DTNB: variants seen among roughly 807,000 people sequenced by gnomAD.
The protein encoded by DTNB is dystrobrevin beta, also known as DTN-B.
Under a neutral mutation model 90.7 loss-of-function variants are expected in DTNB, and 63 were observed. That is an observed-to-expected ratio of 0.69 (90% CI 0.57 to 0.86). The LOEUF is 0.86. DTNB is among the 40% of genes least tolerant of loss of function. The probability of loss-of-function intolerance (pLI) is 0.00; values close to 1 mark genes in which losing one functional copy is unlikely to be tolerated. For missense variants in DTNB, 744 were observed against 807.1 expected, an observed-to-expected ratio of 0.92 and a Z score of 0.95; for synonymous variants, 277 against 286.7, an observed-to-expected ratio of 0.97 and a Z score of 0.34.
chr2:25,580,324 C>A (rs1339343222), intron 7 of DTNB, among the ~76,000 whole-genome samples: 1 of 151,872 alleles, frequency 6.6e-6, no homozygotes, highest in East Asian at 1.9e-4. Flanking sequence ...TCTGCGAGAT[C>A]AGCCTGGCCA....
In DTNB at chr2:25,612,435, G is replaced by C. The variant is rs1465411935; in HGVS notation, c.363-5114C>G. 2.0e-5 allele frequency among the ~76,000 whole-genome samples: 3 copies of C among 151,952 alleles called. No individual in the cohort carries two copies. The East Asian group carries it at 5.8e-4, about 29-fold the overall frequency. On this transcript the variant is annotated intron_variant, in intron 4 of 20. Coordinates refer to ENST00000406818, the MANE Select transcript of DTNB (RefSeq NM_021907.5). ...GCCTAGAGAGAGGAATGAAATGGTG[G>C]GTAATTTCACATTGTAAGTATTAAA...
At chr2:25,377,704 G>A (rs1036612167) in intron 20 of DTNB, among the ~76,000 whole-genome samples, 151 bp from the exon 21 acceptor site, 22 of 152,224 alleles carry the variant, frequency 1.4e-4, no homozygotes, top group Non-Finnish European at 2.8e-4. Flanking sequence ...GTGGTACCTA[G>A]GGTCCTCTGC....
At chr2:25,399,078 A>G (rs1261608077) in intron 16 of DTNB, among the ~76,000 whole-genome samples, 3 of 152,044 alleles carry the variant, frequency 2.0e-5, no homozygotes, top group Non-Finnish European at 4.4e-5. Flanking sequence ...TTGAGACGGA[A>G]TCTCTCTGTC....
chr2:25,455,344 G>A, intron 11 of DTNB, 61 bp downstream of exon 11: 1 of 1,478,834 alleles, frequency 6.8e-7, no homozygotes, highest in South Asian at 1.3e-5. Context: ...ACCCCAGGTA[G>A]CAAAGCTCTC....
chr2:25,412,917 T>C (rs562050396), intron 16 of DTNB, among the ~76,000 whole-genome samples: 4 of 152,314 alleles, frequency 2.6e-5, no homozygotes, highest in Non-Finnish European at 4.4e-5. Context: ...CCATTGCCAG[T>C]AGGGACTTCA....
chr2:25,668,568 T>G (rs2085060788), intron 1 of DTNB, among the ~76,000 whole-genome samples: 1 of 152,224 alleles, frequency 6.6e-6, no homozygotes, highest in African/African-American at 2.4e-5. Flanking sequence ...ATCATGAACT[T>G]TAACAACAAT....
At chr2:25,501,554 T>C (rs2070718890) in intron 9 of DTNB, among the ~76,000 whole-genome samples, 1 of 152,088 alleles carries the variant, frequency 6.6e-6, no homozygotes, top group Admixed American at 6.5e-5. Context: ...TAATTTTTGT[T>C]GGGTTTCAGA....
At chr2:25,441,264 C>A (rs2057318027) in intron 12 of DTNB, among the ~76,000 whole-genome samples, 1 of 152,244 alleles carries the variant, frequency 6.6e-6, no homozygotes, top group Non-Finnish European at 1.5e-5. Context: ...GAGCTCAGAA[C>A]AACCCGAGGA....
At chr2:25,604,086 A>G (rs569772446) in intron 5 of DTNB, among the ~76,000 whole-genome samples, 1 of 152,338 alleles carries the variant, frequency 6.6e-6, no homozygotes, top group Non-Finnish European at 1.5e-5. Flanking sequence ...TATTAAAAGT[A>G]GTAAGTCAGA....
At chr2:25,617,319 C>T (rs991987392) in intron 4 of DTNB, among the ~76,000 whole-genome samples, 2 of 152,026 alleles carry the variant, frequency 1.3e-5, no homozygotes, top group African/African-American at 4.8e-5. Context: ...TAAATGTGAG[C>T]GGGATGAATT....
At chr2:25,506,789 C>A (rs1220264747) in intron 9 of DTNB, among the ~76,000 whole-genome samples, 1 of 152,014 alleles carries the variant, frequency 6.6e-6, no homozygotes. Context: ...AACCTGCACC[C>A]AACAATTTGA....
chr2:25,380,377 T>C (rs541813829), intron 19 of DTNB, among the ~76,000 whole-genome samples: 1 of 152,280 alleles, frequency 6.6e-6, no homozygotes, highest in South Asian at 2.1e-4. Flanking sequence ...CTTAGTCTTA[T>C]AAAAATGCCC....
chr2:25,466,734 A>T (rs1279946665), intron 10 of DTNB, among the ~76,000 whole-genome samples: 2 of 152,212 alleles, frequency 1.3e-5, no homozygotes, highest in African/African-American at 2.4e-5. Context: ...ACATTTTCTT[A>T]TGGCACCTAA....
chr2:25,638,433 C>A (rs2077540184), intron 3 of DTNB, among the ~76,000 whole-genome samples: 1 of 152,190 alleles, frequency 6.6e-6, no homozygotes, highest in South Asian at 2.1e-4. Context: ...GTATAAAATA[C>A]TTTTTCCACT....
intron 14 of DTNB, 186 bp from the exon 15 acceptor site, chr2:25,427,817 G>T (rs745429582): frequency 2.1e-6 from 1 of 482,548 alleles, no homozygotes; most frequent in Non-Finnish European, 3.6e-6. Context: ...ACTGTTCTGA[G>T]AATAATAGGT....
chr2:25,580,520 C>CAA (rs367833124), intron 7 of DTNB, among the ~76,000 whole-genome samples: 1 of 112,426 alleles, frequency 8.9e-6, no homozygotes, highest in Admixed American at 9.6e-5. Context: ...GACTCTGTCT[C>CAA]AAAAAAAAAA....
intron 3 of DTNB, among the ~76,000 whole-genome samples, 191 bp from the exon 4 acceptor site, chr2:25,628,575 G>A (rs941562391): frequency 1.3e-5 from 2 of 152,178 alleles, no homozygotes; most frequent in African/African-American, 4.8e-5. Flanking sequence ...CACCACAGCG[G>A]TATGGGAAGG....
chr2:25,581,852 A>G (rs1439810218), intron 6 of DTNB, among the ~76,000 whole-genome samples: 5 of 152,360 alleles, frequency 3.3e-5, no homozygotes, highest in Non-Finnish European at 7.3e-5. Context: ...AATTGTTCCA[A>G]AAGAAGAGCC....
At chr2:25,379,977 T>G (rs1208280909) in intron 19 of DTNB, 1 of 152,470 alleles carries the variant, frequency 6.6e-6, no homozygotes, top group Non-Finnish European at 1.5e-5. Flanking sequence ...TTGGTTACAC[T>G]TCTCTTGAGG....
Sources: gnomAD v4.1 joint callset for allele counts (sites outside exome capture counted in the v4.1 genomes callset) on GRCh38, gnomAD v4.1.1 for gene constraint, MANE v1.5 for transcripts, NCBI Gene and HGNC (gene_info 2026-07-23, HGNC 2026-07-21) for gene names.